Variants in SH3KBP1 observed in about 807,000 individuals in gnomAD.
The protein encoded by SH3KBP1 is SH3 domain containing kinase binding protein 1.
SH3KBP1 carries 8 observed loss-of-function variants against 50.1 expected under a neutral mutation model. The observed-to-expected ratio is 0.16, with a 90% CI of 0.09 to 0.29. The LOEUF (loss-of-function observed/expected upper bound fraction) is 0.29. Ranked by LOEUF, SH3KBP1 falls within the 10% of genes least tolerant of loss-of-function variation. The pLI, the probability that SH3KBP1 is intolerant of heterozygous loss-of-function variation, is 1.00. For missense variants in SH3KBP1, 377 were observed against 535.2 expected (o/e 0.70, Z 2.92); for synonymous variants, 227 against 218.6 (o/e 1.04, Z -0.34).
chrX:19,851,821 G>A (rs2068517389), intron 1 of SH3KBP1, among the ~76,000 whole-genome samples: 1 of 112,166 alleles, frequency 8.9e-6, no homozygotes, highest in South Asian at 3.7e-4. Flanking sequence ...ACAGGCATGA[G>A]CCACCATGCC....
Position 19,727,631 on chromosome X carries a change from T to C in SH3KBP1, c.286+18687A>G, listed in dbSNP as rs1419442002. Among the ~76,000 whole-genome samples, 12 of 112,788 alleles carry C rather than the reference T, an allele frequency of 1.1e-4. No homozygotes were observed. In the Admixed American group the frequency reaches 1.1e-3, roughly 11 times the overall value. The stretch of plus-strand genomic sequence containing the variant: ...TGCAAATATTTGTTCAAGTCCCTTG[T>C]TGATCCCTTTCTATGTGTCTCTGTT... On this transcript the variant is annotated intron_variant, in intron 3 of 17. Transcript: ENST00000397821.
In SH3KBP1 at chrX:19,818,965, T is replaced by C. The variant is rs1465604950; in HGVS notation, c.162+17160A>G. Among the ~76,000 whole-genome samples, 5 of 111,981 alleles carry C rather than the reference T, an allele frequency of 4.5e-5. No homozygotes were observed. The East Asian group carries it at 1.4e-3, about 31-fold the overall frequency. On this transcript the variant is annotated intron_variant, in intron 2 of 17. Coordinates refer to ENST00000397821, the MANE Select transcript of SH3KBP1 (RefSeq NM_031892.3). ...ACACATTCCCTCCTCTTCTATTTTC[T>C]CGAAAAGATTATGCAGAATTGGTGC... is the stretch of plus-strand genomic sequence containing the variant.
At chrX:19,844,207 G>T (rs1380532461) in intron 1 of SH3KBP1, among the ~76,000 whole-genome samples, 1 of 111,176 alleles carries the variant, frequency 9.0e-6, no homozygotes, top group East Asian at 2.8e-4. Context: ...TCCCCGACAT[G>T]CCCTCCCTAC....
At chrX:19,864,415 A>G (rs2068853193) in intron 1 of SH3KBP1, among the ~76,000 whole-genome samples, 1 of 111,816 alleles carries the variant, frequency 8.9e-6, no homozygotes, top group African/African-American at 3.3e-5. Flanking sequence ...TGGCCTTACA[A>G]AAGGAAGAGT....
At position 19,561,072 on chromosome X, in the gene SH3KBP1, T is replaced by TCA. The variant is rs1290285582; in HGVS notation, c.1384+8030_1384+8031insTG. On this transcript the variant is annotated intron_variant, in intron 13 of 17. Coordinates refer to ENST00000397821, the MANE Select transcript of SH3KBP1 (RefSeq NM_031892.3). Reference sequence around the variant, plus strand: ...CTGGGCAACAGAGCAAGACCCTGTCTAAAAAAAAAAAAAAAAAAAAAAGAG... The same window carrying TCA: ...CTGGGCAACAGAGCAAGACCCTGTCTCAAAAAAAAAAAAAAAAAAAAAAAGAG... Among the ~76,000 whole-genome samples the TCA allele has an allele frequency of 3.7e-3, 179 of 48,070 alleles. 4 individuals are homozygous for TCA. Among genetic ancestry groups the TCA allele is most frequent in the African/African-American group, 0.01 (150 of 14,617 alleles). The allele number at this position is 48,070 out of a possible 115,157, so 41.7% of individuals were successfully genotyped here. A position where few individuals can be genotyped will look rare whatever the true frequency, so the allele number is the denominator to read the frequency against.
In SH3KBP1 at chrX:19,783,415, C is replaced by T. The variant is rs372332767; in HGVS notation, c.163-36974G>A. Among the ~76,000 whole-genome samples, 10 of 111,648 alleles carry T rather than the reference C, an allele frequency of 9.0e-5. No individual in the cohort carries two copies. The East Asian group carries it at 2.3e-3, about 25-fold the overall frequency. ...GTTCGTGCTTGAAACATTTGAAATC[C>T]TCTCTTCTAGCTGTTTGAAAATATA... On this transcript the variant is annotated intron_variant, in intron 2 of 17. Coordinates refer to ENST00000397821, the MANE Select transcript of SH3KBP1 (RefSeq NM_031892.3).
intron 13 of SH3KBP1, among the ~76,000 whole-genome samples, chrX:19,553,363 G>A (rs2147671253): frequency 9.0e-6 from 1 of 111,444 alleles, no homozygotes; most frequent in Admixed American, 9.6e-5. Flanking sequence ...AATGTGTGAG[G>A]TGGCAGTCTG....
intron 1 of SH3KBP1, among the ~76,000 whole-genome samples, chrX:19,865,901 C>T (rs759309126): frequency 7.2e-5 from 8 of 111,803 alleles, no homozygotes; most frequent in Non-Finnish European, 1.3e-4. Context: ...AGCCAGATGA[C>T]GGAGGAGTTT....
chrX:19,601,334 C>T (rs1312989932), intron 9 of SH3KBP1, among the ~76,000 whole-genome samples: 4 of 111,863 alleles, frequency 3.6e-5, no homozygotes, highest in Non-Finnish European at 7.5e-5. Context: ...CTGCCCTTTG[C>T]TTGGCAAGAC....
At chrX:19,769,168 T>G (rs998002551) in intron 2 of SH3KBP1, among the ~76,000 whole-genome samples, 2 of 99,175 alleles carry the variant, frequency 2.0e-5, no homozygotes, top group Non-Finnish European at 4.0e-5. Context: ...CACTGCAACC[T>G]CCACCTCCCA....
intron 1 of SH3KBP1, among the ~76,000 whole-genome samples, chrX:19,845,793 T>A (rs928646100): frequency 3.7e-5 from 4 of 109,486 alleles, no homozygotes; most frequent in Non-Finnish European, 7.6e-5. Context: ...GTATTTTTAG[T>A]AGAACGGGGT....
At chrX:19,603,497 G>C (rs1221717175) in intron 9 of SH3KBP1, among the ~76,000 whole-genome samples, 1 of 112,031 alleles carries the variant, frequency 8.9e-6, no homozygotes, top group Non-Finnish European at 1.9e-5. Flanking sequence ...ACATCTTCGA[G>C]GGCAGGTTTC....
rs148378474 is a variant in SH3KBP1 at position 19,697,431 on chromosome X, A to G, written c.391-1690T>C. Among the ~76,000 whole-genome samples, 603 of 112,283 alleles carry G rather than the reference A, an allele frequency of 5.4e-3. 2 individuals carry two copies. The highest frequency in any genetic ancestry group is 7.4e-3 in the African/African-American group (228 of 30,942). On this transcript the variant is annotated intron_variant, in intron 4 of 17. Transcript: ENST00000397821. ...TTTTATTCCTATCTGCATGATGGGA[A>G]TAATTAACACACTTCACAGTTGTCG... is the stretch of plus-strand genomic sequence containing the variant.
At chrX:19,862,730 G>A (rs1005241476) in intron 1 of SH3KBP1, among the ~76,000 whole-genome samples, 9 of 111,396 alleles carry the variant, frequency 8.1e-5, no homozygotes, top group Non-Finnish European at 1.7e-4. Flanking sequence ...ACTTGTTGAA[G>A]TCTCCTCATA....
Position 19,542,131 on chromosome X carries a change from C to T in SH3KBP1, c.1686G>A (p.Gly562=), listed in dbSNP as rs767672006. 9.2e-6 allele frequency: 11 copies of T among 1,199,170 alleles called. No individual in the cohort carries two copies. The highest frequency in any genetic ancestry group is 2.4e-4 in the Middle Eastern group (1 of 4,236). The change falls in exon 16 of 18, where the codon GGG becomes GGA. Residue 562 remains glycine, a synonymous_variant. Transcript: ENST00000397821. ...KPGTMAAGGG[G]PAPLSSAAPS... ...GCGCCGCTGAGGACAGAGGGGCTGG[C>T]CCACCGCCACCTGCTGCCATGGTCC...
At chrX:19,799,124 G>A (rs753071914) in intron 2 of SH3KBP1, among the ~76,000 whole-genome samples, 1 of 108,364 alleles carries the variant, frequency 9.2e-6, no homozygotes, top group African/African-American at 3.4e-5. Context: ...TCACACTACA[G>A]GAAAGCTAAA....
intron 9 of SH3KBP1, among the ~76,000 whole-genome samples, chrX:19,596,705 T>G (rs2066915623): frequency 8.9e-6 from 1 of 112,170 alleles, no homozygotes; most frequent in Non-Finnish European, 1.9e-5. Context: ...TTGTTGTCAT[T>G]TCAACAATGT....
At chrX:19,596,721 G>A (rs2066916015) in intron 9 of SH3KBP1, among the ~76,000 whole-genome samples, 1 of 112,089 alleles carries the variant, frequency 8.9e-6, no homozygotes, top group Non-Finnish European at 1.9e-5. Flanking sequence ...AATGTTCACA[G>A]CATCTTCACC....
At chrX:19,788,267 T>A (rs1409854315) in intron 2 of SH3KBP1, among the ~76,000 whole-genome samples, 1 of 44,593 alleles carries the variant, frequency 2.2e-5, no homozygotes. Context: ...AGATTCTATC[T>A]CCAAAAAAAA....
Sources: allele counts gnomAD v4.1 joint callset (sites outside exome capture counted in the v4.1 genomes callset), GRCh38; gene constraint gnomAD v4.1.1; transcripts MANE v1.5; gene names NCBI Gene and HGNC (gene_info 2026-07-23, HGNC 2026-07-21).